PRKN: variants seen among roughly 807,000 people sequenced by gnomAD.
PRKN encodes the protein E3 ubiquitin-protein ligase parkin.
Under a neutral mutation model 59.5 loss-of-function variants are expected in PRKN, and 56 were observed. The ratio of observed to expected loss-of-function variants is 0.94; its 90% CI spans 0.76 to 1.18. PRKN has a LOEUF of 1.18. Among genes scored for constraint, PRKN ranks in the 50% most tolerant of loss-of-function variants. The probability of loss-of-function intolerance (pLI) is 0.00; values close to 1 mark genes in which losing one functional copy is unlikely to be tolerated. For synonymous variants in PRKN, 250 were observed against 222.1 expected (o/e 1.13, Z -1.12); for missense variants, 657 against 596.4 (o/e 1.10, Z -1.06).
chr6:161,516,494 G>A (rs4063130), intron 9 of PRKN, among the ~76,000 whole-genome samples: 4,229 of 35,640 alleles, frequency 0.12, 592 homozygotes, highest in South Asian at 0.21. Context: ...AAAAAAAAAA[G>A]AAGAAGAAGA....
intron 6 of PRKN, among the ~76,000 whole-genome samples, chr6:161,938,582 GATT>G (rs1392243419): frequency 1.3e-5 from 2 of 152,224 alleles, no homozygotes; most frequent in African/African-American, 4.8e-5. Context: ...TAAATTTTGA[GATT>G]ATTATAATCA....
intron 1 of PRKN, among the ~76,000 whole-genome samples, chr6:162,594,023 G>A (rs557050974): frequency 5.6e-4 from 85 of 152,132 alleles, no homozygotes; most frequent in African/African-American, 1.9e-3. Context: ...GGTGGCGTGC[G>A]CCTGTAATCC....
chr6:162,078,663 A>T (rs1158306618), intron 4 of PRKN, among the ~76,000 whole-genome samples: 1 of 152,072 alleles, frequency 6.6e-6, no homozygotes, highest in Non-Finnish European at 1.5e-5. Context: ...CTGTTACCTC[A>T]AAATGACTAA....
At chr6:162,245,004 G>GT (rs1779141921) in intron 3 of PRKN, among the ~76,000 whole-genome samples, 1 of 152,042 alleles carries the variant, frequency 6.6e-6, no homozygotes, top group Non-Finnish European at 1.5e-5. Context: ...TCTCTTGAGC[G>GT]TAAAATATTG....
At chr6:162,414,843 T>A (rs1222981727) in intron 2 of PRKN, among the ~76,000 whole-genome samples, 1 of 152,122 alleles carries the variant, frequency 6.6e-6, no homozygotes, top group East Asian at 1.9e-4. Context: ...TTATCATTGA[T>A]GTCCATCTAT....
At chr6:161,486,845 T>A (rs984185025) in intron 9 of PRKN, among the ~76,000 whole-genome samples, 10 of 152,176 alleles carry the variant, frequency 6.6e-5, no homozygotes, top group Non-Finnish European at 1.3e-4. Flanking sequence ...GCATTCCAAT[T>A]TTTTAGCTCT....
chr6:161,771,376 A>AAG (rs1789681976), intron 7 of PRKN, among the ~76,000 whole-genome samples: 1 of 62,066 alleles, frequency 1.6e-5, no homozygotes, highest in African/African-American at 3.8e-5. Context: ...AAAAAATAAA[A>AAG]TAAAATAAAA....
At chr6:161,564,919 A>G (rs1398370047) in intron 8 of PRKN, among the ~76,000 whole-genome samples, 1 of 152,194 alleles carries the variant, frequency 6.6e-6, no homozygotes, top group Non-Finnish European at 1.5e-5. Flanking sequence ...GGTGCTGACC[A>G]TGCAGCTCCT....
intron 6 of PRKN, among the ~76,000 whole-genome samples, chr6:161,917,645 A>G (rs1472943056): frequency 2.0e-5 from 3 of 152,208 alleles, no homozygotes; most frequent in Non-Finnish European, 4.4e-5. Flanking sequence ...ATGAAATCCT[A>G]AGAGATTTAC....
intron 2 of PRKN, among the ~76,000 whole-genome samples, chr6:162,406,442 T>C (rs558434199): frequency 1.4e-4 from 22 of 152,336 alleles, no homozygotes; most frequent in African/African-American, 5.1e-4. Context: ...TCAAATATTA[T>C]AAAGAATGCA....
rs74337644 is a variant in PRKN at position 162,134,419 on chromosome 6, A to G, written c.534+66712T>C. On this transcript the variant is annotated intron_variant, in intron 4 of 11. Transcript: ENST00000366898. Reference sequence around the variant, plus strand: ...TATTTGGTTGTTTGCTTGTTTTATAAGTTACTGATGGAAGAGAACATCAAA... The same window carrying G: ...TATTTGGTTGTTTGCTTGTTTTATAGGTTACTGATGGAAGAGAACATCAAA... Among the ~76,000 whole-genome samples, 491 of 152,294 alleles carry G rather than the reference A, an allele frequency of 3.2e-3. 1 individual carries two copies. The highest frequency in any genetic ancestry group is 0.011 in the African/African-American group (467 of 41,546).
chr6:162,340,146 T>TA (rs1784106655), intron 2 of PRKN, among the ~76,000 whole-genome samples: 1 of 106,144 alleles, frequency 9.4e-6, no homozygotes, highest in Admixed American at 8.5e-5. Context: ...AAAAAATAAA[T>TA]TAAAAAAAAA....
At chr6:162,316,342 C>T (rs1415258724) in intron 2 of PRKN, among the ~76,000 whole-genome samples, 2 of 152,022 alleles carry the variant, frequency 1.3e-5, no homozygotes, top group East Asian at 3.9e-4. Context: ...CACAACCAGG[C>T]TTATGAAGTT....
intron 7 of PRKN, among the ~76,000 whole-genome samples, chr6:161,720,516 T>TGA (rs535668683): frequency 1.4e-5 from 2 of 141,340 alleles, no homozygotes; most frequent in African/African-American, 2.9e-5. Context: ...TGGGCACAGG[T>TGA]GGGGGGGGGC....
rs1325538391 is a variant in PRKN at position 162,320,380 on chromosome 6, AAAAAC to A, written c.172-57620_172-57616del. Among the ~76,000 whole-genome samples, 105 of 145,090 alleles carry A rather than the reference AAAAAC, an allele frequency of 7.2e-4. 1 individual carries two copies. Among genetic ancestry groups the A allele is most frequent in the East Asian group, 1.6e-3 (8 of 5,018 alleles). On this transcript the variant is annotated intron_variant, in intron 2 of 11. Transcript: ENST00000366898. The stretch of plus-strand genomic sequence containing the variant: ...AAAAAGCCAAAAAAAAAAAAAAAAA[AAAAAC>A]CAAGCATTTTAAGATCAAACAAGCA...
At chr6:162,653,424 A>G (rs940082038) in intron 1 of PRKN, among the ~76,000 whole-genome samples, 8 of 152,222 alleles carry the variant, frequency 5.3e-5, no homozygotes, top group Non-Finnish European at 1.0e-4. Flanking sequence ...TTTAAAAATC[A>G]ACTCATAATT....
chr6:162,033,585 T>C (rs1252662508), intron 5 of PRKN, among the ~76,000 whole-genome samples: 1 of 152,204 alleles, frequency 6.6e-6, no homozygotes, highest in Admixed American at 6.6e-5. Context: ...TAGGGGAATT[T>C]GGTCAATATC....
intron 1 of PRKN, among the ~76,000 whole-genome samples, chr6:162,450,748 G>A (rs761750334): frequency 1.2e-4 from 18 of 152,196 alleles, no homozygotes; most frequent in Non-Finnish European, 2.5e-4. Flanking sequence ...TTTAGAAACT[G>A]TTAGAGTCTA....
In PRKN at chr6:161,400,025, T is replaced by G. The variant is rs904509669; in HGVS notation, c.1084-13148A>C. Reference sequence around the variant, plus strand: ...CTTTTGGAATCGGGTCTGCTTTTACTCTTTCAATGCATCTCAGTTGGGACT... The same window carrying G: ...CTTTTGGAATCGGGTCTGCTTTTACGCTTTCAATGCATCTCAGTTGGGACT... On this transcript the variant is annotated intron_variant, in intron 9 of 11. Transcript: ENST00000366898. This position sits in a 1 kb window ranked among gnomAD's most constrained non-coding sequence, Gnocchi z 4.2. Among the ~76,000 whole-genome samples, 26 of 152,194 alleles carry G rather than the reference T, an allele frequency of 1.7e-4. No homozygotes were observed. The highest frequency in any genetic ancestry group is 6.3e-4 in the African/African-American group (26 of 41,450).
Sources: allele counts gnomAD v4.1 joint callset (sites outside exome capture counted in the v4.1 genomes callset), GRCh38; gene constraint gnomAD v4.1.1; non-coding constraint Gnocchi (gnomAD v3.1); transcripts MANE v1.5; gene names NCBI Gene and HGNC (gene_info 2026-07-23, HGNC 2026-07-21).